Variants in STON2 observed in about 807,000 individuals in gnomAD.
The protein encoded by STON2 is stonin 2.
In STON2, 29 loss-of-function variants were observed where a neutral mutation model predicts 65.7. The observed-to-expected ratio is 0.44, with a 90% confidence interval of 0.33 to 0.60. The LOEUF is 0.60. STON2 is among the 20% of genes least tolerant of loss of function. The probability of loss-of-function intolerance (pLI) is 0.03; values close to 1 mark genes in which losing one functional copy is unlikely to be tolerated. For synonymous variants in STON2, 404 were observed against 414.2 expected, an observed-to-expected ratio of 0.98 and a Z score of 0.30; for missense variants, 1,054 against 1,118.1, an observed-to-expected ratio of 0.94 and a Z score of 0.82.
At position 81,263,774 on chromosome 14, in the gene STON2, C is replaced by T; in HGVS notation, c.*4640G>A. ...GTTACCACTCGAACTGGGAGCATTT[C>T]TATAAGCAGGCTGGATGGTAGTGCT... is the stretch of plus-strand genomic sequence containing the variant. On this transcript the variant is annotated 3_prime_UTR_variant, in exon 8 of 8. Coordinates refer to ENST00000614646, the MANE Select transcript of STON2 (RefSeq NM_001394390.1). 6 of 985,352 alleles carry T rather than the reference C, an allele frequency of 6.1e-6. No individual in the cohort carries two copies. The South Asian group carries it at 2.8e-4, about 46-fold the overall frequency. 61.0% of individuals were successfully genotyped at this position (985,352 alleles called of 1,614,324 possible).
At chr14:81,426,802 G>C (rs941583465) in intron 2 of STON2, among the ~76,000 whole-genome samples, 20 of 152,088 alleles carry the variant, frequency 1.3e-4, no homozygotes, top group Admixed American at 5.9e-4. Flanking sequence ...AGTTTCCCTA[G>C]GACATTTTAT....
chr14:81,322,710 A>G (rs1177422477), intron 5 of STON2, among the ~76,000 whole-genome samples: 2 of 151,980 alleles, frequency 1.3e-5, no homozygotes, highest in Non-Finnish European at 2.9e-5. Flanking sequence ...CCTACCTGTG[A>G]CCCTCCCAAC....
intron 4 of STON2, among the ~76,000 whole-genome samples, chr14:81,359,890 A>T (rs547640077): frequency 1.3e-5 from 2 of 152,192 alleles, no homozygotes; most frequent in Non-Finnish European, 2.9e-5. Flanking sequence ...CAAACAAACA[A>T]AAAACTTCCA....
At chr14:81,362,140 C>G (rs1224952060) in intron 4 of STON2, among the ~76,000 whole-genome samples, 1 of 152,098 alleles carries the variant, frequency 6.6e-6, no homozygotes, top group African/African-American at 2.4e-5. Flanking sequence ...GGTACTTACT[C>G]AAAAGATTTG....
At chr14:81,407,847 T>C (rs1047869970) in intron 2 of STON2, among the ~76,000 whole-genome samples, 2 of 152,216 alleles carry the variant, frequency 1.3e-5, no homozygotes, top group African/African-American at 2.4e-5. Flanking sequence ...CTCAGAATTG[T>C]GCATAGCACA....
chr14:81,311,234 A>C (rs1896414193), intron 5 of STON2, among the ~76,000 whole-genome samples: 1 of 152,144 alleles, frequency 6.6e-6, no homozygotes. Context: ...ATGGAATAGG[A>C]GGCAGGAGAA....
chr14:81,351,905 C>G (rs762266197), intron 4 of STON2, among the ~76,000 whole-genome samples: 28 of 152,110 alleles, frequency 1.8e-4, no homozygotes, highest in Non-Finnish European at 4.0e-4. Context: ...GCACCAGAGG[C>G]GTATAAGCAA....
Position 81,264,357 on chromosome 14 carries a change from T to C in STON2, c.*4057A>G, listed in dbSNP as rs1894276844. 1 of 985,346 alleles carries C rather than the reference T, an allele frequency of 1.0e-6. No homozygotes were observed. Among genetic ancestry groups the C allele is most frequent in the Admixed American group, 6.1e-5 (1 of 16,270 alleles). The allele number at this position is 985,346 out of a possible 1,614,324, so 61.0% of individuals were successfully genotyped here. A position where few individuals can be genotyped will look rare whatever the true frequency, so the allele number is the denominator to read the frequency against. ...GCTTGCTGGCTTTATTATGAGTATT[T>C]GATGATAAGTAAGGGTTAAGTAGCC... On this transcript the variant is annotated 3_prime_UTR_variant, in exon 8 of 8. Transcript: ENST00000614646.
chr14:81,332,989 G>T, intron 4 of STON2: 1 of 516,618 alleles, frequency 1.9e-6, no homozygotes, highest in Non-Finnish European at 3.5e-6. Context: ...ACCAACTTTG[G>T]CCTTTGCAGT....
At chr14:81,362,060 G>C (rs1472455851) in intron 4 of STON2, among the ~76,000 whole-genome samples, 1 of 152,096 alleles carries the variant, frequency 6.6e-6, no homozygotes, top group African/African-American at 2.4e-5. Flanking sequence ...ATTTAGTACA[G>C]CCATTATGAA....
At chr14:81,286,545 T>C (rs973747450) in intron 5 of STON2, among the ~76,000 whole-genome samples, 8 of 152,214 alleles carry the variant, frequency 5.3e-5, no homozygotes. Flanking sequence ...ATTGCACAAC[T>C]AATAGACTAT....
intron 1 of STON2, among the ~76,000 whole-genome samples, chr14:81,434,462 G>C (rs919539749): frequency 6.6e-6 from 1 of 152,222 alleles, no homozygotes; most frequent in Non-Finnish European, 1.5e-5. Context: ...GCATCTGGAA[G>C]TGGGCTTCTT....
At chr14:81,392,846 T>C (rs1032341946) in intron 3 of STON2, among the ~76,000 whole-genome samples, 1 of 152,216 alleles carries the variant, frequency 6.6e-6, no homozygotes, top group Non-Finnish European at 1.5e-5. Context: ...ATCAAGGATA[T>C]TATTGGGTGA....
intron 5 of STON2, among the ~76,000 whole-genome samples, chr14:81,303,557 A>G (rs1014019594): frequency 6.6e-6 from 1 of 152,304 alleles, no homozygotes; most frequent in Admixed American, 6.5e-5. Flanking sequence ...ACATGAGGTC[A>G]TTCTTCCAAC....
chr14:81,329,082 G>T (rs1335319674), intron 4 of STON2, among the ~76,000 whole-genome samples: 1 of 152,180 alleles, frequency 6.6e-6, no homozygotes, highest in Non-Finnish European at 1.5e-5. Context: ...TGGAAATAGG[G>T]TGTTTACAGA....
chr14:81,306,709 C>T (rs1270769180), intron 5 of STON2: 1 of 152,122 alleles, frequency 6.6e-6, no homozygotes, highest in Non-Finnish European at 1.5e-5. Flanking sequence ...TCTGCCTTGA[C>T]ACCACATTAG....
chr14:81,413,986 T>C (rs1901298347), intron 2 of STON2, among the ~76,000 whole-genome samples: 1 of 138,586 alleles, frequency 7.2e-6, no homozygotes, highest in Admixed American at 7.2e-5. Context: ...AAAAAAAAGA[T>C]AATGATGGCC....
At chr14:81,344,953 C>A (rs965829616) in intron 4 of STON2, among the ~76,000 whole-genome samples, 2 of 152,150 alleles carry the variant, frequency 1.3e-5, no homozygotes, top group Non-Finnish European at 2.9e-5. Context: ...GGCGAACCAC[C>A]AAGTCATTCT....
chr14:81,397,563 C>A (rs1332232149), intron 2 of STON2, among the ~76,000 whole-genome samples: 1 of 152,168 alleles, frequency 6.6e-6, no homozygotes, highest in Non-Finnish European at 1.5e-5. Flanking sequence ...TACCTGTCGA[C>A]TCACACTTTC....
Sources: gnomAD v4.1 joint callset for allele counts (sites outside exome capture counted in the v4.1 genomes callset) on GRCh38, gnomAD v4.1.1 for gene constraint, MANE v1.5 for transcripts, NCBI Gene and HGNC (gene_info 2026-07-23, HGNC 2026-07-21) for gene names.